The following GRIA2 variants were observed in gnomAD, a reference collection of about 807,000 sequenced individuals.
The protein encoded by GRIA2 is glutamate ionotropic receptor AMPA type subunit 2, also known as glutamate receptor 2.
Under a neutral mutation model 97.3 loss-of-function variants are expected in GRIA2, and 14 were observed. The ratio of observed to expected loss-of-function variants is 0.14; its 90% CI spans 0.10 to 0.23. GRIA2 has a LOEUF of 0.23. GRIA2 is among the 10% of genes least tolerant of loss of function. The probability of loss-of-function intolerance (pLI) is 1.00; values close to 1 mark genes in which losing one functional copy is unlikely to be tolerated. For synonymous variants in GRIA2, 412 were observed against 387.8 expected (o/e 1.06, Z -0.73); for missense variants, 558 against 1,069.8 (o/e 0.52, Z 6.67).
intron 12 of GRIA2, among the ~76,000 whole-genome samples, chr4:157,344,385 A>G (rs62331557): frequency 0.026 from 3,917 of 152,130 alleles, 67 homozygotes; most frequent in Non-Finnish European, 0.038. Flanking sequence ...TGTGTAAGGT[A>G]GATACAGAAC....
At chr4:157,306,660 G>T (rs1733858527) in intron 3 of GRIA2, among the ~76,000 whole-genome samples, 1 of 152,108 alleles carries the variant, frequency 6.6e-6, no homozygotes, top group Non-Finnish European at 1.5e-5. Context: ...CATAATACTG[G>T]CAAAAGACTT....
chr4:157,236,105 T>A (rs1730234345), intron 2 of GRIA2, among the ~76,000 whole-genome samples: 1 of 152,044 alleles, frequency 6.6e-6, no homozygotes, highest in African/African-American at 2.4e-5. Flanking sequence ...GTAACAAAAA[T>A]TATCTAATAG....
chr4:157,336,243 T>C, intron 10 of GRIA2, 134 bp from the exon 11 acceptor site: 2 of 731,818 alleles, frequency 2.7e-6, no homozygotes, highest in Non-Finnish European at 4.6e-6. Flanking sequence ...TATCCTTTAC[T>C]GGGACTATAC....
intron 2 of GRIA2, among the ~76,000 whole-genome samples, chr4:157,298,983 G>A (rs1374288609): frequency 6.6e-6 from 1 of 152,046 alleles, no homozygotes; most frequent in Admixed American, 6.6e-5. Context: ...AATCCTTGGA[G>A]AAGGTCTTTT....
At chr4:157,290,021 G>T (rs1733022457) in intron 2 of GRIA2, among the ~76,000 whole-genome samples, 1 of 151,732 alleles carries the variant, frequency 6.6e-6, no homozygotes, top group Non-Finnish European at 1.5e-5. Context: ...ATTGGTTATT[G>T]GGAGCATTAA....
chr4:157,222,588 C>T (rs1186642555), intron 2 of GRIA2, among the ~76,000 whole-genome samples: 4 of 152,196 alleles, frequency 2.6e-5, no homozygotes, highest in Admixed American at 2.6e-4. Context: ...GTCAGCTTGC[C>T]AGCCCGGCGC....
rs139948375 is a variant in GRIA2 at position 157,234,082 on chromosome 4, T to C, written c.229+12275T>C. ...ACTATTTACTAGTTCTATGACTTTGTATTAATCAGCTAAACTTTCTAGTCT... is the reference window on the plus strand; with the variant it reads ...ACTATTTACTAGTTCTATGACTTTGCATTAATCAGCTAAACTTTCTAGTCT... On this transcript the variant is annotated intron_variant, in intron 2 of 15. Coordinates refer to ENST00000264426, the MANE Select transcript of GRIA2 (RefSeq NM_001083619.3). Among the ~76,000 whole-genome samples, 697 of 152,266 alleles carry C rather than the reference T, an allele frequency of 4.6e-3. 3 individuals are homozygous for C. Among genetic ancestry groups the C allele is most frequent in the African/African-American group, 0.016 (653 of 41,576 alleles).
chr4:157,245,113 G>A (rs1170768372), intron 2 of GRIA2, among the ~76,000 whole-genome samples: 1 of 151,968 alleles, frequency 6.6e-6, no homozygotes, highest in Middle Eastern at 3.2e-3. Flanking sequence ...CAGTAAATGA[G>A]GTGATTATTT....
In GRIA2 at chr4:157,361,738, C is replaced by T. The variant is rs912573880; in HGVS notation, c.2406+614C>T. 2 of 875,132 alleles carry T rather than the reference C, an allele frequency of 2.3e-6. No homozygotes were observed. The highest frequency in any genetic ancestry group is 3.7e-6 in the Non-Finnish European group (2 of 536,768). 54.2% of individuals were successfully genotyped at this position (875,132 alleles called of 1,614,324 possible). A position where few individuals can be genotyped will look rare whatever the true frequency, so the allele number is the denominator to read the frequency against. ...CACAAGTGTGTTAGTGGGAATGACC[C>T]ATCTTAAATAGAATGTAAATGCAAA... On this transcript the variant is annotated intron_variant, in intron 14 of 15. Transcript: ENST00000264426. This position sits in a 1 kb window ranked among gnomAD's most constrained non-coding sequence, Gnocchi z 5.2.
chr4:157,227,683 T>G (rs1729809038), intron 2 of GRIA2, among the ~76,000 whole-genome samples: 1 of 152,308 alleles, frequency 6.6e-6, no homozygotes, highest in East Asian at 1.9e-4. Context: ...TTTCCTTTCT[T>G]TTTACAGTAG....
intron 2 of GRIA2, among the ~76,000 whole-genome samples, chr4:157,248,926 C>A (rs755070479): frequency 6.6e-6 from 1 of 151,510 alleles, no homozygotes; most frequent in East Asian, 2.0e-4. Context: ...TAACTTTAAC[C>A]TCCTGGAATC....
chr4:157,291,752 A>G (rs1733115323), intron 2 of GRIA2, among the ~76,000 whole-genome samples: 1 of 152,002 alleles, frequency 6.6e-6, no homozygotes, highest in Non-Finnish European at 1.5e-5. Context: ...GAAAGTTCCA[A>G]AAGTGAGTAG....
chr4:157,264,052 G>T (rs1431110111), intron 2 of GRIA2, among the ~76,000 whole-genome samples: 1 of 152,006 alleles, frequency 6.6e-6, no homozygotes, highest in Non-Finnish European at 1.5e-5. Context: ...GAAAATATGT[G>T]AATAAAGTAC....
chr4:157,323,008 G>T (rs1734644660), intron 6 of GRIA2, among the ~76,000 whole-genome samples: 1 of 151,900 alleles, frequency 6.6e-6, no homozygotes, highest in Admixed American at 6.6e-5. Context: ...TTTCAAAAAC[G>T]AGGTGACTTC....
chr4:157,273,897 A>G (rs974637959), intron 2 of GRIA2, among the ~76,000 whole-genome samples: 3 of 152,092 alleles, frequency 2.0e-5, no homozygotes, highest in Non-Finnish European at 2.9e-5. Context: ...AATAAATGCC[A>G]TAAAACCCCA....
At chr4:157,362,453 G>A in intron 14 of GRIA2, 1 of 469,762 alleles carries the variant, frequency 2.1e-6, no homozygotes, top group Non-Finnish European at 4.2e-6. Context: ...ATAGGATGAA[G>A]AAACTGTCTT....
In GRIA2 at chr4:157,343,179, G is replaced by A. The variant is rs1735620978; in HGVS notation, c.2043+1717G>A. ...GGTTGTGGAGCTTTTCTTCCCTAGAGTAATAGAGAAGTGATGTTGGATAGT... is the reference window on the plus strand; with the variant it reads ...GGTTGTGGAGCTTTTCTTCCCTAGAATAATAGAGAAGTGATGTTGGATAGT... On this transcript the variant is annotated intron_variant, in intron 12 of 15. Coordinates refer to ENST00000264426, the MANE Select transcript of GRIA2 (RefSeq NM_001083619.3). Among the ~76,000 whole-genome samples, 5 of 152,122 alleles carry A rather than the reference G, an allele frequency of 3.3e-5. No homozygotes were observed. The South Asian group carries it at 1.0e-3, about 32-fold the overall frequency.
intron 2 of GRIA2, among the ~76,000 whole-genome samples, chr4:157,287,203 T>C (rs1732885269): frequency 6.6e-6 from 1 of 151,728 alleles, no homozygotes; most frequent in South Asian, 2.1e-4. Flanking sequence ...TTATGTTTAA[T>C]AGTTAAATTT....
chr4:157,240,566 C>T (rs1197158939), intron 2 of GRIA2, among the ~76,000 whole-genome samples: 1 of 152,066 alleles, frequency 6.6e-6, no homozygotes, highest in Non-Finnish European at 1.5e-5. Context: ...TCAATGTTCT[C>T]TAATCTTATT....
Sources: allele counts gnomAD v4.1 joint callset (sites outside exome capture counted in the v4.1 genomes callset), GRCh38; gene constraint gnomAD v4.1.1; non-coding constraint Gnocchi (gnomAD v3.1); transcripts MANE v1.5; gene names NCBI Gene and HGNC (gene_info 2026-07-23, HGNC 2026-07-21).